Variants in SCN7A observed in about 807,000 individuals in gnomAD.
SCN7A encodes sodium voltage-gated channel alpha subunit 7, also known as sodium channel protein type 7 subunit alpha.
Under a neutral mutation model 155.2 loss-of-function variants are expected in SCN7A, and 138 were observed. That is an observed-to-expected ratio of 0.89 (90% CI 0.77 to 1.02). The LOEUF (loss-of-function observed/expected upper bound fraction) is 1.02, where lower values mean the gene tolerates loss of function less well. Among genes scored for constraint, SCN7A ranks in the 50% least tolerant of loss-of-function variants. SCN7A has a pLI of 0.00. For missense variants in SCN7A, 2,058 were observed against 1,986.6 expected (o/e 1.04, Z -0.68); for synonymous variants, 693 against 649.0 (o/e 1.07, Z -1.03).
chr2:166,491,342 G>A (rs1683098434), intron 1 of SCN7A, among the ~76,000 whole-genome samples: 1 of 152,150 alleles, frequency 6.6e-6, no homozygotes, highest in Non-Finnish European at 1.5e-5. Context: ...CGTCCATTGA[G>A]CTGGTTATCC....
At chr2:166,450,307 TG>T (rs1702149563) in intron 11 of SCN7A, among the ~76,000 whole-genome samples, 2 of 152,050 alleles carry the variant, frequency 1.3e-5, no homozygotes, top group Non-Finnish European at 2.9e-5. Context: ...CATCGGGCAC[TG>T]GGGACTACTA....
chr2:166,421,184 T>C lies in SCN7A; in HGVS notation c.3135+6A>G. On this transcript the variant is annotated splice_donor_region_variant and intron_variant, in intron 20 of 25. Coordinates refer to ENST00000643258, the MANE Select transcript of SCN7A (RefSeq NM_002976.4). ...TTGTAGATTAGCTTAGAAACTTATCTCTTACCTTCATTCTTTCAAATTGAG... is the reference window on the plus strand; with the variant it reads ...TTGTAGATTAGCTTAGAAACTTATCCCTTACCTTCATTCTTTCAAATTGAG... The C allele has an allele frequency of 2.7e-6, 4 of 1,491,974 alleles. No individual in the cohort carries two copies. The highest frequency in any genetic ancestry group is 2.9e-5 in the African/African-American group (2 of 70,078). 92.4% of individuals were successfully genotyped at this position (1,491,974 alleles called of 1,614,324 possible).
intron 25 of SCN7A, 146 bp from the exon 26 acceptor site, chr2:166,406,792 A>T: frequency 1.5e-6 from 1 of 658,450 alleles, no homozygotes; most frequent in Non-Finnish European, 2.5e-6. Flanking sequence ...ATTCTCATTT[A>T]ACAGTTAGCA....
At chr2:166,414,761 G>T (rs1403399748) in intron 21 of SCN7A, 3 of 133,308 alleles carry the variant, frequency 2.3e-5, no homozygotes, top group Non-Finnish European at 4.6e-5. Flanking sequence ...AATATATATA[G>T]AATATATATT....
At chr2:166,414,313 C>CAT (rs1306702052) in intron 21 of SCN7A, among the ~76,000 whole-genome samples, 6 of 62,426 alleles carry the variant, frequency 9.6e-5, no homozygotes, top group South Asian at 5.0e-4. Flanking sequence ...TATATATATA[C>CAT]ACATATATAT....
intron 3 of SCN7A, 95 bp from the exon 4 acceptor site, chr2:166,474,439 T>C: frequency 2.3e-6 from 1 of 431,066 alleles, no homozygotes; most frequent in African/African-American, 2.0e-5. Context: ...ATTATAGTCT[T>C]GGACTCTAAA....
rs761384069 is a variant in SCN7A at position 166,447,699 on chromosome 2, T to C, written c.1300A>G (p.Ile434Val). 52 of 1,612,392 alleles carry C rather than the reference T, an allele frequency of 3.2e-5. No homozygotes were observed. The South Asian group carries it at 5.5e-4, about 17-fold the overall frequency. The change falls in exon 12 of 26, where the codon ATA becomes GTA. Residue 434 changes from isoleucine to valine, a missense_variant. Physicochemically the swap from Ile to Val is conservative, Grantham distance 29 (BLOSUM62 3). Transcript: ENST00000643258. ...GACCTTTTCTTCATTTCTATTTGTA[T>C]GGTCTTGGCCTGAAAAGGAATTTGA... is the stretch of plus-strand genomic sequence containing the variant. ...EGNETDEAKT[I>V]QIEMKKRSPI...
At chr2:166,480,988 A>G (rs1371150148) in intron 2 of SCN7A, among the ~76,000 whole-genome samples, 2 of 152,230 alleles carry the variant, frequency 1.3e-5, no homozygotes, top group African/African-American at 4.8e-5. Flanking sequence ...TACGTGCTAG[A>G]TAGCATTAAA....
intron 15 of SCN7A, among the ~76,000 whole-genome samples, chr2:166,439,620 T>C (rs773375048): frequency 1.3e-5 from 2 of 152,220 alleles, no homozygotes; most frequent in Non-Finnish European, 2.9e-5. Context: ...TGCTGATATA[T>C]ATGATCATTT....
intron 11 of SCN7A, among the ~76,000 whole-genome samples, chr2:166,449,261 T>A (rs1702128962): frequency 6.6e-6 from 1 of 152,134 alleles, no homozygotes; most frequent in Non-Finnish European, 1.5e-5. Flanking sequence ...ATCCCTGTTT[T>A]TACATTTGAC....
At chr2:166,412,778 G>A in intron 22 of SCN7A, 111 bp from the exon 23 acceptor site, 1 of 1,387,612 alleles carries the variant, frequency 7.2e-7, no homozygotes, top group Non-Finnish European at 9.4e-7. Flanking sequence ...TGCTACCTAA[G>A]AAACTGTTTT....
intron 15 of SCN7A, 88 bp downstream of exon 15, chr2:166,441,308 C>T: frequency 1.1e-6 from 1 of 901,604 alleles, no homozygotes; most frequent in South Asian, 1.8e-5. Context: ...CAGTTACAGA[C>T]CATTAGATCC....
chr2:166,492,087 G>A (rs866930461), intron 1 of SCN7A, among the ~76,000 whole-genome samples: 2 of 152,148 alleles, frequency 1.3e-5, no homozygotes, highest in African/African-American at 4.8e-5. Flanking sequence ...CAGTGAGAGT[G>A]TATATCCGCT....
intron 6 of SCN7A, 84 bp downstream of exon 6, chr2:166,472,233 A>G (rs1702674803): frequency 7.2e-7 from 1 of 1,380,766 alleles, no homozygotes; most frequent in Admixed American, 2.7e-5. Flanking sequence ...GCAGGCCAAA[A>G]TCTTTGCAGA....
Position 166,473,854 on chromosome 2 carries a change from TC to T in SCN7A, c.387del (p.Ile130LeufsTer8). 6.4e-7 allele frequency: 1 copy of T among 1,568,402 alleles called. No individual in the cohort carries two copies. On this transcript the variant is annotated frameshift_variant, in exon 5 of 26. Coordinates refer to ENST00000643258, the MANE Select transcript of SCN7A (RefSeq NM_002976.4). LOFTEE classifies it high-confidence loss of function. ...FFQLFILISV[L>X]IDCVFMSLTN... ...GTCAGGGACATGAATACGCAATCAATCAGGACACTAATTAGAATAAACAGTT... is the reference window on the plus strand; with the variant it reads ...GTCAGGGACATGAATACGCAATCAATAGGACACTAATTAGAATAAACAGTT...
At chr2:166,438,240 G>A (rs1278229793) in intron 15 of SCN7A, among the ~76,000 whole-genome samples, 1 of 152,000 alleles carries the variant, frequency 6.6e-6, no homozygotes, top group African/African-American at 2.4e-5. Context: ...GTTTTATAAG[G>A]GGCTTTCCCC....
chr2:166,480,258 C>T (rs1702890417), intron 2 of SCN7A, among the ~76,000 whole-genome samples: 1 of 152,076 alleles, frequency 6.6e-6, no homozygotes, highest in Non-Finnish European at 1.5e-5. Flanking sequence ...GAGATCTAGA[C>T]CATCCTGACT....
At chr2:166,455,424 T>TA (rs890312932) in intron 11 of SCN7A, among the ~76,000 whole-genome samples, 4 of 152,048 alleles carry the variant, frequency 2.6e-5, no homozygotes, top group African/African-American at 9.7e-5. Flanking sequence ...GCCATTATCC[T>TA]AAGTGAATTA....
chr2:166,467,518 G>C (rs1428218103), intron 7 of SCN7A, among the ~76,000 whole-genome samples: 4 of 142,346 alleles, frequency 2.8e-5, no homozygotes, highest in African/African-American at 1.1e-4. Context: ...CACACACACA[G>C]ATAGATAGAT....
Sources: gnomAD v4.1 joint callset for allele counts (sites outside exome capture counted in the v4.1 genomes callset) on GRCh38, gnomAD v4.1.1 for gene constraint, MANE v1.5 for transcripts, NCBI Gene and HGNC (gene_info 2026-07-23, HGNC 2026-07-21) for gene names.